Variants in USP10 observed in about 807,000 individuals in gnomAD.
USP10 encodes the protein ubiquitin carboxyl-terminal hydrolase 10.
Under a neutral mutation model 84.5 loss-of-function variants are expected in USP10, and 22 were observed. That is an observed-to-expected ratio of 0.26 (90% CI 0.19 to 0.37). The LOEUF is 0.37. Among genes scored for constraint, USP10 ranks in the 10% least tolerant of loss-of-function variants. The pLI, the probability that USP10 is intolerant of heterozygous loss-of-function variation, is 1.00. For synonymous variants in USP10, 454 were observed against 387.6 expected (o/e 1.17, Z -2.01); for missense variants, 1,019 against 998.9 (o/e 1.02, Z -0.27).
chr16:84,716,598 C>T (rs1907044057), intron 1 of USP10: 1 of 152,086 alleles, frequency 6.6e-6, no homozygotes, highest in Non-Finnish European at 1.5e-5. Context: ...GAGGTGATGC[C>T]TGCGTTGAGC....
In USP10 at chr16:84,700,077, T is replaced by A; in HGVS notation, c.-14T>A. On this transcript the variant is annotated 5_prime_UTR_variant, in exon 1 of 14. The change abolishes an upstream ATG in the 5' untranslated region. Coordinates refer to ENST00000219473, the MANE Select transcript of USP10 (RefSeq NM_005153.3). Reference sequence around the variant, plus strand: ...CAGCCGGAGGATCGCGGAGTCCCAATGAAACGGGCAGCCATGGCCCTCCAC... The same window carrying A: ...CAGCCGGAGGATCGCGGAGTCCCAAAGAAACGGGCAGCCATGGCCCTCCAC... 7.3e-7 allele frequency: 1 copy of A among 1,373,792 alleles called. No homozygotes were observed. Among genetic ancestry groups the A allele is most frequent in the East Asian group, 4.0e-5 (1 of 25,308 alleles). The allele number at this position is 1,373,792 out of a possible 1,614,324, so 85.1% of individuals were successfully genotyped here.
At chr16:84,759,972 G>A in intron 7 of USP10, 26 bp downstream of exon 7, 1 of 1,612,044 alleles carries the variant, frequency 6.2e-7, no homozygotes, top group Non-Finnish European at 8.5e-7. Flanking sequence ...TTTTGTTGAT[G>A]CTATTACATA....
chr16:84,743,221 TCATG>T (rs1307960606), intron 3 of USP10, among the ~76,000 whole-genome samples: 4 of 152,144 alleles, frequency 2.6e-5, no homozygotes, highest in Non-Finnish European at 5.9e-5. Flanking sequence ...GGTCGTGACT[TCATG>T]CATAAACTTG....
At chr16:84,772,512 G>T in intron 11 of USP10, 29 bp from the exon 12 acceptor site, 1 of 1,612,160 alleles carries the variant, frequency 6.2e-7, no homozygotes, top group Non-Finnish European at 8.5e-7. Context: ...AGACAGGGAC[G>T]GTGTGTCCTG....
At chr16:84,763,787 G>A (rs1057369884) in intron 9 of USP10, among the ~76,000 whole-genome samples, 5 of 151,928 alleles carry the variant, frequency 3.3e-5, no homozygotes, top group African/African-American at 1.2e-4. Flanking sequence ...CAGTGACGTT[G>A]CACCTGTTGC....
At chr16:84,768,443 G>A in intron 11 of USP10, 85 bp downstream of exon 11, 2 of 1,331,660 alleles carry the variant, frequency 1.5e-6, no homozygotes, top group Non-Finnish European at 2.0e-6. Flanking sequence ...GAGGGGAAAT[G>A]GGTTTGAGTT....
intron 4 of USP10, among the ~76,000 whole-genome samples, chr16:84,755,121 G>T (rs1220435785): frequency 2.0e-5 from 3 of 151,436 alleles, no homozygotes; most frequent in Admixed American, 1.3e-4. Context: ...GTTCGAACGG[G>T]TCAACAACGA....
intron 1 of USP10, chr16:84,704,839 G>A: frequency 2.6e-6 from 4 of 1,535,720 alleles, no homozygotes; most frequent in Non-Finnish European, 3.5e-6. Context: ...TGCCCTGGTT[G>A]CCCTCTCCTG....
chr16:84,765,201 G>T (rs1468773434), intron 10 of USP10, among the ~76,000 whole-genome samples: 1 of 151,612 alleles, frequency 6.6e-6, no homozygotes, highest in South Asian at 2.1e-4. Context: ...AATAGAGATA[G>T]TAAAATAGTT....
chr16:84,734,337 G>A (rs1423333390), intron 2 of USP10, among the ~76,000 whole-genome samples: 1 of 152,050 alleles, frequency 6.6e-6, no homozygotes, highest in East Asian at 1.9e-4. Flanking sequence ...GTAGTAAATG[G>A]ACTCTCATTG....
At chr16:84,708,032 T>A (rs1214281570) in intron 1 of USP10, among the ~76,000 whole-genome samples, 1 of 152,096 alleles carries the variant, frequency 6.6e-6, no homozygotes, top group Admixed American at 6.5e-5. Context: ...GAGTCGAGAT[T>A]GTGCCACTGC....
At chr16:84,701,928 TTTC>T (rs1478823324) in intron 1 of USP10, among the ~76,000 whole-genome samples, 5 of 139,690 alleles carry the variant, frequency 3.6e-5, no homozygotes, top group East Asian at 2.2e-4. Flanking sequence ...TTCTCATAAT[TTTC>T]TTCTTCTTTT....
chr16:84,772,267 T>A (rs920749710), intron 11 of USP10, among the ~76,000 whole-genome samples: 1 of 152,142 alleles, frequency 6.6e-6, no homozygotes, highest in Non-Finnish European at 1.5e-5. Context: ...GCCAGGCTGG[T>A]CTCAAACTCT....
intron 4 of USP10, among the ~76,000 whole-genome samples, chr16:84,754,173 G>A (rs1269204610): frequency 2.0e-5 from 3 of 152,194 alleles, no homozygotes; most frequent in Admixed American, 1.3e-4. Flanking sequence ...TGTGGAGACA[G>A]TGTGGAGAAT....
rs1398593350 is a variant in USP10 at position 84,745,369 on chromosome 16, C to T, written c.888C>T (p.Gly296=). 1.2e-6 allele frequency: 2 copies of T among 1,613,180 alleles called. No individual in the cohort carries two copies. Among genetic ancestry groups the T allele is most frequent in the Non-Finnish European group, 1.7e-6 (2 of 1,179,728 alleles). The stretch of plus-strand genomic sequence containing the variant: ...AAATACTTGAATCCTCGGGTGAGGG[C>T]ACAGCTACCAACGGGGTGGAGTTGC... ...NGQILESSGE[G]TATNGVELHT... Residue 296 remains glycine, a synonymous_variant, in exon 4 of 14, where the codon GGC becomes GGT. Transcript: ENST00000219473.
intron 13 of USP10, among the ~76,000 whole-genome samples, chr16:84,777,164 C>T (rs1915106587): frequency 6.6e-6 from 1 of 152,172 alleles, no homozygotes; most frequent in African/African-American, 2.4e-5. Flanking sequence ...GCTTTTCAGG[C>T]GGTTCTCAGC....
At chr16:84,700,179 C>T in intron 1 of USP10, 68 bp downstream of exon 1, 5 of 1,143,374 alleles carry the variant, frequency 4.4e-6, no homozygotes, top group Non-Finnish European at 5.4e-6. Flanking sequence ...CCGCGGCGGG[C>T]GGGCGTCCGC....
chr16:84,711,363 C>G (rs1171076612), intron 1 of USP10, among the ~76,000 whole-genome samples: 1 of 152,200 alleles, frequency 6.6e-6, no homozygotes, highest in African/African-American at 2.4e-5. Context: ...GGGATCAGCA[C>G]ACTCCCCCAC....
At chr16:84,702,721 G>A (rs1012459921) in intron 1 of USP10, among the ~76,000 whole-genome samples, 6 of 151,970 alleles carry the variant, frequency 3.9e-5, no homozygotes, top group South Asian at 2.1e-4. Context: ...AGGCCAGCGC[G>A]GTGGCTCGTG....
Sources: gnomAD v4.1 joint callset for allele counts (sites outside exome capture counted in the v4.1 genomes callset) on GRCh38, gnomAD v4.1.1 for gene constraint, MANE v1.5 for transcripts, NCBI Gene and HGNC (gene_info 2026-07-23, HGNC 2026-07-21) for gene names.